TTC1: variants seen among roughly 807,000 people sequenced by gnomAD.
TTC1 encodes tetratricopeptide repeat domain 1, also known as tetratricopeptide repeat protein 1.
In TTC1, 31 loss-of-function variants were observed where a neutral mutation model predicts 37.6. The observed-to-expected ratio is 0.82, with a 90% confidence interval of 0.62 to 1.11. The LOEUF (loss-of-function observed/expected upper bound fraction) is 1.11, where lower values mean the gene tolerates loss of function less well. TTC1 is among the 50% of genes most tolerant of loss of function. The probability of loss-of-function intolerance (pLI) is 0.00; values close to 1 mark genes in which losing one functional copy is unlikely to be tolerated. For synonymous variants in TTC1, 127 were observed against 122.4 expected (o/e 1.04, Z -0.25); for missense variants, 351 against 339.0 (o/e 1.04, Z -0.28).
chr5:160,010,727 A>G lies in TTC1; in HGVS notation c.199A>G (p.Ser67Gly), dbSNP rs557280478. ...QGEEECFHDC[S>G]ASFEEEPGAD... is the part of the protein sequence containing the mutation. ...AGAAGAGGAGTGTTTTCATGACTGCAGTGCCTCATTTGAGGAGGAGCCAGG... is the reference window on the plus strand; with the variant it reads ...AGAAGAGGAGTGTTTTCATGACTGCGGTGCCTCATTTGAGGAGGAGCCAGG... The change falls in exon 2 of 8, where the codon AGT (serine) becomes GGT (glycine). Residue 67 changes from serine to glycine, a missense_variant. Coordinates refer to ENST00000231238, the MANE Select transcript of TTC1 (RefSeq NM_003314.3). 18 of 1,614,042 alleles carry G rather than the reference A, an allele frequency of 1.1e-5. No homozygotes were observed. In the African/African-American group the frequency reaches 2.4e-4, roughly 22 times the overall value.
Position 160,051,126 on chromosome 5 carries a change from C to A in TTC1, c.691-3C>A, listed in dbSNP as rs1259029723. The A allele has an allele frequency of 1.3e-6, 2 of 1,587,342 alleles. No individual in the cohort carries two copies. The highest frequency in any genetic ancestry group is 1.8e-5 in the Admixed American group (1 of 56,900). On this transcript the variant is annotated splice_polypyrimidine_tract_variant and splice_region_variant and intron_variant, in intron 6 of 7. Transcript: ENST00000231238. ...CAACCCTTGTTTCTCCTCTTTTCCT[C>A]AGAGATTACCTAAGCAAATTGAAGA...
chr5:160,031,721 G>A (rs1756913486), intron 2 of TTC1, among the ~76,000 whole-genome samples: 1 of 152,080 alleles, frequency 6.6e-6, no homozygotes, highest in Non-Finnish European at 1.5e-5. Context: ...CAAGATGAGG[G>A]CTGGGCACAC....
Position 160,065,101 on chromosome 5 carries a change from T to TA in TTC1, c.*36_*37insA, listed in dbSNP as rs564384758. The stretch of plus-strand genomic sequence containing the variant: ...AAAAGCTTTACAAGCTGACTTGGAA[T>TA]TGTGTGCTGCTTGCTGTTAGCTAGG... On this transcript the variant is annotated 3_prime_UTR_variant, in exon 8 of 8. Coordinates refer to ENST00000231238, the MANE Select transcript of TTC1 (RefSeq NM_003314.3). The TA allele has an allele frequency of 3.5e-3, 5,565 of 1,599,666 alleles. 14 individuals are homozygous for TA. Among genetic ancestry groups the TA allele is most frequent in the Non-Finnish European group, 4.4e-3 (5,123 of 1,176,090 alleles).
Position 160,010,715 on chromosome 5 carries a change from T to C in TTC1, c.187T>C (p.Phe63Leu). ...GGAGGACCAGGGAGAAGAGGAGTGT[T>C]TTCATGACTGCAGTGCCTCATTTGA... Reference protein sequence around the residue: ...LQEDQGEEECFHDCSASFEEE... With the variant: ...LQEDQGEEECLHDCSASFEEE... Residue 63 changes from phenylalanine to leucine, a missense_variant, in exon 2 of 8, where the codon TTT (phenylalanine) becomes CTT (leucine). Transcript: ENST00000231238. 6.2e-7 allele frequency: 1 copy of C among 1,613,834 alleles called. No homozygotes were observed. Among genetic ancestry groups the C allele is most frequent in the Non-Finnish European group, 8.5e-7 (1 of 1,179,854 alleles).
chr5:160,016,150 G>T (rs1756601911), intron 2 of TTC1, among the ~76,000 whole-genome samples: 1 of 152,166 alleles, frequency 6.6e-6, no homozygotes, highest in East Asian at 1.9e-4. Flanking sequence ...GGCCAAGGTG[G>T]GCAGACCACT....
chr5:160,065,012 T>C lies in TTC1; in HGVS notation c.826T>C (p.Ser276Pro), dbSNP rs1251041295. 9.3e-6 allele frequency: 15 copies of C among 1,613,998 alleles called. No individual in the cohort carries two copies. Among genetic ancestry groups the C allele is most frequent in the Non-Finnish European group, 1.3e-5 (15 of 1,180,022 alleles). The change falls in exon 8 of 8, where the codon TCT becomes CCT. Residue 276 changes from serine to proline, a missense_variant. By Grantham distance (74) the Ser-to-Pro change is moderately conservative (BLOSUM62 -1). Coordinates refer to ENST00000231238, the MANE Select transcript of TTC1 (RefSeq NM_003314.3). ...TENFQIKQDS[S>P]TGSYSINFVQ... Reference sequence around the variant, plus strand: ...AAATTTCCAGATCAAACAGGATTCCTCTACCGGCTCGTACTCCATCAATTT... The same window carrying C: ...AAATTTCCAGATCAAACAGGATTCCCCTACCGGCTCGTACTCCATCAATTT...
At chr5:160,013,990 G>A (rs979724435) in intron 2 of TTC1, among the ~76,000 whole-genome samples, 2 of 152,160 alleles carry the variant, frequency 1.3e-5, no homozygotes, top group Non-Finnish European at 2.9e-5. Context: ...TATGGTAGCT[G>A]CTGACTACAT....
intron 2 of TTC1, among the ~76,000 whole-genome samples, chr5:160,030,781 A>T (rs978339890): frequency 6.6e-6 from 1 of 152,212 alleles, no homozygotes; most frequent in Non-Finnish European, 1.5e-5. Context: ...CTATGGAAGT[A>T]TAATTCAAGA....
At chr5:160,025,802 C>G (rs1314866582) in intron 2 of TTC1, among the ~76,000 whole-genome samples, 1 of 152,100 alleles carries the variant, frequency 6.6e-6, no homozygotes, top group African/African-American at 2.4e-5. Flanking sequence ...TAGGGTCTAG[C>G]TTCGTTGCCA....
At chr5:160,048,454 C>T (rs1757314946) in intron 5 of TTC1, among the ~76,000 whole-genome samples, 2 of 152,072 alleles carry the variant, frequency 1.3e-5, no homozygotes, top group Admixed American at 1.3e-4. Context: ...CACACCCGGC[C>T]AGCACTGCTT....
At chr5:160,046,271 G>A (rs949237090) in intron 5 of TTC1, among the ~76,000 whole-genome samples, 9 of 152,138 alleles carry the variant, frequency 5.9e-5, no homozygotes, top group South Asian at 2.1e-4. Flanking sequence ...CAATTTAGTC[G>A]TTGCTTCTCT....
At chr5:160,060,388 G>T (rs1371719717) in intron 7 of TTC1, among the ~76,000 whole-genome samples, 5 of 152,174 alleles carry the variant, frequency 3.3e-5, no homozygotes, top group Non-Finnish European at 5.9e-5. Context: ...CAAGCACTCG[G>T]ATCCCTGTCT....
intron 3 of TTC1, 198 bp from the exon 4 acceptor site, chr5:160,036,493 A>G (rs371643786): frequency 3.0e-4 from 138 of 460,508 alleles, no homozygotes; most frequent in African/African-American, 2.5e-3. Context: ...TGAGATTGGC[A>G]CAAGCAAGCA....
Position 160,065,110 on chromosome 5 carries a change from G to C in TTC1, c.*45G>C. ...ACAAGCTGACTTGGAATTGTGTGCT[G>C]CTTGCTGTTAGCTAGGGGAAAGGCC... On this transcript the variant is annotated 3_prime_UTR_variant, in exon 8 of 8. Coordinates refer to ENST00000231238, the MANE Select transcript of TTC1 (RefSeq NM_003314.3). 6.3e-7 allele frequency: 1 copy of C among 1,593,406 alleles called. No homozygotes were observed. Among genetic ancestry groups the C allele is most frequent in the Non-Finnish European group, 8.5e-7 (1 of 1,173,818 alleles).
chr5:160,055,899 A>G (rs1225362180), intron 7 of TTC1, among the ~76,000 whole-genome samples: 5 of 152,252 alleles, frequency 3.3e-5, no homozygotes, highest in East Asian at 1.9e-4. Flanking sequence ...TGGTCTTCCA[A>G]TTCACTAGAG....
chr5:160,010,962 G>A, intron 2 of TTC1, 104 bp downstream of exon 2: 1 of 1,137,612 alleles, frequency 8.8e-7, no homozygotes, highest in Non-Finnish European at 1.2e-6. Flanking sequence ...AGAATAACTT[G>A]CCCCTTTGTC....
intron 5 of TTC1, among the ~76,000 whole-genome samples, chr5:160,044,905 A>T (rs1470050029): frequency 6.6e-6 from 1 of 152,098 alleles, no homozygotes; most frequent in Non-Finnish European, 1.5e-5. Context: ...TGCCCTCTCT[A>T]CTGGCTTTCT....
intron 2 of TTC1, among the ~76,000 whole-genome samples, chr5:160,022,474 A>G (rs935663497): frequency 3.9e-5 from 6 of 152,248 alleles, no homozygotes; most frequent in Admixed American, 1.3e-4. Flanking sequence ...ATATTTTAAG[A>G]AAGTGAATCA....
intron 7 of TTC1, among the ~76,000 whole-genome samples, chr5:160,060,048 C>T (rs1236936252): frequency 1.3e-5 from 2 of 152,318 alleles, no homozygotes; most frequent in East Asian, 1.9e-4. Context: ...ATGCTGGGCT[C>T]TCTTGATTTG....
Sources: gnomAD v4.1 joint callset for allele counts (sites outside exome capture counted in the v4.1 genomes callset) on GRCh38, gnomAD v4.1.1 for gene constraint, MANE v1.5 for transcripts, NCBI Gene and HGNC (gene_info 2026-07-23, HGNC 2026-07-21) for gene names.